The following COX15 variants were observed in gnomAD, a reference collection of about 807,000 sequenced individuals.
The protein encoded by COX15 is cytochrome c oxidase assembly factor COX15.
In COX15, 51 loss-of-function variants were observed where a neutral mutation model predicts 51.9. That is an observed-to-expected ratio of 0.98 (90% CI 0.78 to 1.24). COX15 has a LOEUF of 1.24. COX15 is among the 50% of genes most tolerant of loss of function. The pLI is 0.00. For synonymous variants in COX15, 188 were observed against 190.5 expected, an observed-to-expected ratio of 0.99 and a Z score of 0.11; for missense variants, 420 against 501.1, an observed-to-expected ratio of 0.84 and a Z score of 1.55.
At chr10:99,718,547 G>A in intron 6 of COX15, 47 bp from the exon 7 acceptor site, 2 of 1,590,020 alleles carry the variant, frequency 1.3e-6, no homozygotes, top group Non-Finnish European at 1.7e-6. Context: ...AGGAAGAAGA[G>A]ACCAAATACT....
chr10:99,706,619 G>A (rs568194993), downstream of COX15, among the ~76,000 whole-genome samples: 2 of 152,102 alleles, frequency 1.3e-5, no homozygotes, highest in South Asian at 4.1e-4. Context: ...ACAAGCATGA[G>A]CTACTGCACC....
chr10:99,698,496 C>CAT, the COX15 span: 2 of 1,472,894 alleles, frequency 1.4e-6, no homozygotes, highest in South Asian at 1.2e-5. Flanking sequence ...ACAGGCATGA[C>CAT]GTGTTTGTTT....
chr10:99,729,914 A>C (rs1174181433), intron 1 of COX15, among the ~76,000 whole-genome samples, 180 bp from the exon 2 acceptor site: 2 of 152,208 alleles, frequency 1.3e-5, no homozygotes, highest in Admixed American at 6.5e-5. Flanking sequence ...ATTGGTTTTC[A>C]AATCTAGCCT....
the COX15 span, among the ~76,000 whole-genome samples, chr10:99,699,565 C>T: frequency 6.6e-6 from 1 of 152,036 alleles, no homozygotes; most frequent in Non-Finnish European, 1.5e-5. Flanking sequence ...AATCTGTCCT[C>T]ATATTTCTTT....
At chr10:99,717,091 A>G (rs759801130) in intron 7 of COX15, among the ~76,000 whole-genome samples, 3 of 152,156 alleles carry the variant, frequency 2.0e-5, no homozygotes, top group Non-Finnish European at 4.4e-5. Context: ...ATGCTAAAAT[A>G]CTGTGCGCAG....
intron 2 of COX15, among the ~76,000 whole-genome samples, chr10:99,729,334 C>A (rs1250338121): frequency 6.6e-6 from 1 of 151,932 alleles, no homozygotes; most frequent in African/African-American, 2.4e-5. Flanking sequence ...TGGTGGCACG[C>A]GCCTAGTCCC....
chr10:99,711,911 T>A lies in COX15; in HGVS notation c.*2676A>T. ...TAGAACTGTATAGGAAGCATGGCGC[T>A]GGCATCTGCTTCTGGTGAGGGCCTC... On this transcript the variant is annotated 3_prime_UTR_variant, in exon 9 of 9. Transcript: ENST00000016171. The A allele has an allele frequency of 5.0e-6, 4 of 804,686 alleles. No homozygotes were observed. The highest frequency in any genetic ancestry group is 6.0e-6 in the Non-Finnish European group (4 of 665,210). 49.8% of individuals were successfully genotyped at this position (804,686 alleles called of 1,614,324 possible).
At chr10:99,731,866 C>CCGGAAA (rs2037160297) in intron 1 of COX15, 94 bp downstream of exon 1, 1 of 1,510,998 alleles carries the variant, frequency 6.6e-7, no homozygotes, top group Non-Finnish European at 9.0e-7. Context: ...GTAAGGAGCT[C>CCGGAAA]CGGAAACGTG....
chr10:99,720,980 G>C lies in COX15; in HGVS notation c.832+7C>G, dbSNP rs759041790. 3.7e-6 allele frequency: 6 copies of C among 1,612,390 alleles called. No homozygotes were observed. Among genetic ancestry groups the C allele is most frequent in the Admixed American group, 1.7e-5 (1 of 59,872 alleles). On this transcript the variant is annotated splice_region_variant and intron_variant, in intron 6 of 8. Transcript: ENST00000016171. ...AAACAGGTCATCTTTGATGAGCTGA[G>C]TCCTACCTGAGAGGGCCGTAAGGAA...
the COX15 span, chr10:99,704,422 T>C: frequency 6.2e-7 from 1 of 1,610,842 alleles, no homozygotes; most frequent in Non-Finnish European, 8.5e-7. Context: ...AACAGTTTTT[T>C]CCACCTACAA....
chr10:99,701,962 T>G, the COX15 span, among the ~76,000 whole-genome samples: 1 of 151,916 alleles, frequency 6.6e-6, no homozygotes, highest in Non-Finnish European at 1.5e-5. Context: ...GCAGGGAGAA[T>G]TGCTTGAACC....
intron 5 of COX15, chr10:99,723,095 G>C (rs1564647887): frequency 6.6e-6 from 1 of 151,540 alleles, no homozygotes; most frequent in Admixed American, 6.6e-5. Flanking sequence ...CTTTTCTCCA[G>C]GAACAGCTTA....
intron 4 of COX15, among the ~76,000 whole-genome samples, chr10:99,725,265 C>A (rs1325469421): frequency 6.6e-6 from 1 of 152,174 alleles, no homozygotes; most frequent in Non-Finnish European, 1.5e-5. Context: ...ATTTCTCTCC[C>A]CTTTCAAGAT....
In COX15 at chr10:99,711,137, CAT is replaced by C; in HGVS notation, c.*3448_*3449del. ...CTAAGATAATCATTCACCAGAAGCT[CAT>C]AGATATAATACAGTTATATAGCTAA... On this transcript the variant is annotated 3_prime_UTR_variant, in exon 9 of 9. Coordinates refer to ENST00000016171, the MANE Select transcript of COX15 (RefSeq NM_078470.6). 1.0e-6 allele frequency: 1 copy of C among 984,990 alleles called. No homozygotes were observed. Among genetic ancestry groups the C allele is most frequent in the Non-Finnish European group, 1.2e-6 (1 of 829,666 alleles). 61.0% of individuals were successfully genotyped at this position (984,990 alleles called of 1,614,324 possible). A position where few individuals can be genotyped will look rare whatever the true frequency, so the allele number is the denominator to read the frequency against.
At chr10:99,729,804 T>G in intron 1 of COX15, 70 bp from the exon 2 acceptor site, 1 of 1,501,558 alleles carries the variant, frequency 6.7e-7, no homozygotes, top group Admixed American at 1.7e-5. Context: ...TCAACCCCAT[T>G]CTGATTAGCG....
chr10:99,724,475 C>T (rs191915023), intron 4 of COX15, among the ~76,000 whole-genome samples: 8 of 152,272 alleles, frequency 5.3e-5, no homozygotes, highest in Non-Finnish European at 1.0e-4. Flanking sequence ...CCACCACACC[C>T]GGCCTGATCT....
intron 6 of COX15, among the ~76,000 whole-genome samples, chr10:99,720,445 C>CA (rs1411206228): frequency 1.2e-4 from 18 of 151,726 alleles, no homozygotes; most frequent in Admixed American, 7.2e-4. Flanking sequence ...GACTCAGTCT[C>CA]AAAAAAAAGA....
chr10:99,700,480 T>C, the COX15 span, among the ~76,000 whole-genome samples: 2 of 151,634 alleles, frequency 1.3e-5, no homozygotes, highest in Non-Finnish European at 2.9e-5. Flanking sequence ...AATGTAAGCT[T>C]CCTGAGGACA....
downstream of COX15, among the ~76,000 whole-genome samples, chr10:99,707,513 T>C (rs1346935288): frequency 6.6e-5 from 10 of 152,276 alleles, no homozygotes; most frequent in Admixed American, 5.2e-4. Flanking sequence ...ATTTCTCTTC[T>C]ATTTGCATTT....
Sources: allele counts gnomAD v4.1 joint callset (sites outside exome capture counted in the v4.1 genomes callset), GRCh38; gene constraint gnomAD v4.1.1; transcripts MANE v1.5; gene names NCBI Gene and HGNC (gene_info 2026-07-23, HGNC 2026-07-21).